Variants in OR2M4 observed in about 807,000 individuals in gnomAD.
OR2M4 encodes olfactory receptor 2M4.
Under a neutral mutation model 13.7 loss-of-function variants are expected in OR2M4, and 8 were observed. The observed-to-expected ratio is 0.58, with a 90% CI of 0.34 to 1.05. The LOEUF (loss-of-function observed/expected upper bound fraction) is 1.05. Ranked by LOEUF, OR2M4 falls within the 50% of genes least tolerant of loss-of-function variation. The pLI is 0.02. For missense variants in OR2M4, 374 were observed against 381.6 expected, an observed-to-expected ratio of 0.98 and a Z score of 0.17; for synonymous variants, 152 against 141.3, an observed-to-expected ratio of 1.08 and a Z score of -0.53.
chr1:248,234,007 A>G (rs1666531968), intron 1 of OR2M4, among the ~76,000 whole-genome samples: 2 of 152,174 alleles, frequency 1.3e-5, no homozygotes, highest in Admixed American at 6.5e-5. Context: ...TGTTTGCTCC[A>G]TGATCTTCGG....
At chr1:248,238,495 C>T (rs1054940974) in intron 1 of OR2M4, among the ~76,000 whole-genome samples, 7 of 151,892 alleles carry the variant, frequency 4.6e-5, no homozygotes, top group Non-Finnish European at 2.9e-5. Flanking sequence ...CTGTTGTCAA[C>T]GAGACTACTA....
In OR2M4 at chr1:248,243,563, A is replaced by G. The variant is rs1422565157; in HGVS notation, c.*3699A>G. 2 of 152,246 alleles carry G rather than the reference A, an allele frequency of 1.3e-5. No individual in the cohort carries two copies. The highest frequency in any genetic ancestry group is 2.9e-5 in the Non-Finnish European group (2 of 68,056). 9.4% of individuals were successfully genotyped at this position (152,246 alleles called of 1,614,324 possible). A position where few individuals can be genotyped will look rare whatever the true frequency, so the allele number is the denominator to read the frequency against. ...GAGCTACCTTTCAGCATGTACAGAA[A>G]TTAACTCGAGATGGATTAAAGACTT... On this transcript the variant is annotated 3_prime_UTR_variant, in exon 2 of 2. Transcript: ENST00000641868.
At position 248,243,050 on chromosome 1, in the gene OR2M4, C is replaced by T. The variant is rs908256158; in HGVS notation, c.*3186C>T. On this transcript the variant is annotated 3_prime_UTR_variant, in exon 2 of 2. Coordinates refer to ENST00000641868, the MANE Select transcript of OR2M4 (RefSeq NM_017504.2). ...TGTTTTGAGTATGTTTGGGACATTG[C>T]GTATATGTGAATCTAATTTTTCAAC... 2.0e-5 allele frequency: 3 copies of T among 151,378 alleles called. No homozygotes were observed. The highest frequency in any genetic ancestry group is 4.4e-5 in the Non-Finnish European group (3 of 67,924). The allele number at this position is 151,378 out of a possible 1,614,324, so 9.4% of individuals were successfully genotyped here. A position where few individuals can be genotyped will look rare whatever the true frequency, so the allele number is the denominator to read the frequency against.
Position 248,239,729 on chromosome 1 carries a change from G to T in OR2M4, c.801G>T (p.Thr267=), listed in dbSNP as rs757716230. ...FMYMRPASKH[T]PDQDKMVSAF... ...ACATGAGACCAGCTTCTAAACATAC[G>T]CCAGACCAGGACAAGATGGTGTCGG... The change falls in exon 2 of 2, where the codon ACG becomes ACT. Residue 267 remains threonine, a synonymous_variant. Coordinates refer to ENST00000641868, the MANE Select transcript of OR2M4 (RefSeq NM_017504.2). 1.9e-6 allele frequency: 3 copies of T among 1,613,916 alleles called. No individual in the cohort carries two copies. The highest frequency in any genetic ancestry group is 4.5e-5 in the East Asian group (2 of 44,862).
chr1:248,240,736 G>A lies in OR2M4; in HGVS notation c.*872G>A, dbSNP rs957037600. On this transcript the variant is annotated 3_prime_UTR_variant, in exon 2 of 2. Transcript: ENST00000641868. ...TATATCACTGAAGAGGCAGTGAAGA[G>A]GTAGAAAAAACAACTTGAACAGACA... is the stretch of plus-strand genomic sequence containing the variant. 2 of 152,184 alleles carry A rather than the reference G, an allele frequency of 1.3e-5. No individual in the cohort carries two copies. Among genetic ancestry groups the A allele is most frequent in the African/African-American group, 4.8e-5 (2 of 41,450 alleles). The allele number at this position is 152,184 out of a possible 1,614,324, so 9.4% of individuals were successfully genotyped here.
chr1:248,238,361 A>G (rs921450123), intron 1 of OR2M4, among the ~76,000 whole-genome samples: 3 of 152,142 alleles, frequency 2.0e-5, no homozygotes, highest in Non-Finnish European at 4.4e-5. Flanking sequence ...AACATAGAGT[A>G]CTATACCCTT....
rs1455803963 is a variant in OR2M4 at position 248,235,224 on chromosome 1, G to C, written c.-20+3644G>C. Reference sequence around the variant, plus strand: ...GTCCAGTTTCAGTTTTCTGCATATGGCTAGCCAGTTTTCCCAGCACCATTT... The same window carrying C: ...GTCCAGTTTCAGTTTTCTGCATATGCCTAGCCAGTTTTCCCAGCACCATTT... On this transcript the variant is annotated intron_variant, in intron 1 of 1. Coordinates refer to ENST00000641868, the MANE Select transcript of OR2M4 (RefSeq NM_017504.2). 2.6e-5 allele frequency among the ~76,000 whole-genome samples: 4 copies of C among 151,990 alleles called. No homozygotes were observed. The South Asian group carries it at 6.2e-4, about 24-fold the overall frequency.
intron 1 of OR2M4, among the ~76,000 whole-genome samples, chr1:248,232,741 G>A (rs895065706): frequency 6.6e-6 from 1 of 152,100 alleles, no homozygotes; most frequent in East Asian, 1.9e-4. Context: ...AGCAAAGAAA[G>A]GTACTGCTCC....
chr1:248,237,521 C>T (rs139937120), intron 1 of OR2M4, among the ~76,000 whole-genome samples: 2,665 of 151,764 alleles, frequency 0.018, 97 homozygotes, highest in African/African-American at 0.06. Context: ...GGTGTAGTGG[C>T]GGGCGCCTGT....
At chr1:248,233,914 T>C (rs967842404) in intron 1 of OR2M4, among the ~76,000 whole-genome samples, 4 of 152,168 alleles carry the variant, frequency 2.6e-5, no homozygotes, top group Admixed American at 1.3e-4. Context: ...TACAAAGACC[T>C]GATGGTTGAT....
intron 1 of OR2M4, 82 bp from the exon 2 acceptor site, chr1:248,238,828 A>C: frequency 1.2e-6 from 1 of 851,480 alleles, no homozygotes; most frequent in East Asian, 2.5e-5. Flanking sequence ...GCATGCATAT[A>C]AACTGCCCAG....
In OR2M4 at chr1:248,239,711, A is replaced by G. The variant is rs1234570740; in HGVS notation, c.783A>G (p.Arg261=). The change falls in exon 2 of 2, where the codon AGA becomes AGG. Residue 261 remains arginine, a synonymous_variant. Coordinates refer to ENST00000641868, the MANE Select transcript of OR2M4 (RefSeq NM_017504.2). ...GTGCTGCTATGTTCATGTACATGAG[A>G]CCAGCTTCTAAACATACGCCAGACC... ...YYGAAMFMYM[R]PASKHTPDQD... 2 of 1,613,866 alleles carry G rather than the reference A, an allele frequency of 1.2e-6. No homozygotes were observed. The highest frequency in any genetic ancestry group is 1.7e-5 in the Admixed American group (1 of 59,970).
At chr1:248,236,847 T>C (rs1413444141) in intron 1 of OR2M4, among the ~76,000 whole-genome samples, 1 of 152,106 alleles carries the variant, frequency 6.6e-6, no homozygotes, top group African/African-American at 2.4e-5. Flanking sequence ...ACATACTCCC[T>C]CCTAAGACTA....
In OR2M4 at chr1:248,240,773, C is replaced by G. The variant is rs1666611274; in HGVS notation, c.*909C>G. 1 of 152,280 alleles carries G rather than the reference C, an allele frequency of 6.6e-6. No individual in the cohort carries two copies. Among genetic ancestry groups the G allele is most frequent in the African/African-American group, 2.4e-5 (1 of 41,454 alleles). The allele number at this position is 152,280 out of a possible 1,614,324, so 9.4% of individuals were successfully genotyped here. A position where few individuals can be genotyped will look rare whatever the true frequency, so the allele number is the denominator to read the frequency against. On this transcript the variant is annotated 3_prime_UTR_variant, in exon 2 of 2. Coordinates refer to ENST00000641868, the MANE Select transcript of OR2M4 (RefSeq NM_017504.2). Reference sequence around the variant, plus strand: ...AACTTGAACAGACAATGCCACCCCTCTCTCACCACTGACAGAAGGAACAGT... The same window carrying G: ...AACTTGAACAGACAATGCCACCCCTGTCTCACCACTGACAGAAGGAACAGT...
chr1:248,239,884 A>G lies in OR2M4; in HGVS notation c.*20A>G. 1 of 1,492,928 alleles carries G rather than the reference A, an allele frequency of 6.7e-7. No individual in the cohort carries two copies. Among genetic ancestry groups the G allele is most frequent in the South Asian group, 1.3e-5 (1 of 77,836 alleles). The allele number at this position is 1,492,928 out of a possible 1,614,324, so 92.5% of individuals were successfully genotyped here. A position where few individuals can be genotyped will look rare whatever the true frequency, so the allele number is the denominator to read the frequency against. On this transcript the variant is annotated 3_prime_UTR_variant, in exon 2 of 2. Transcript: ENST00000641868. Reference sequence around the variant, plus strand: ...ATATGACCTTATCAAAATCTTTTTGAGTGCCTACTGTGGTCAACACTCATT... The same window carrying G: ...ATATGACCTTATCAAAATCTTTTTGGGTGCCTACTGTGGTCAACACTCATT...
chr1:248,235,201 C>T (rs1391478419), intron 1 of OR2M4, among the ~76,000 whole-genome samples: 1 of 152,070 alleles, frequency 6.6e-6, no homozygotes, highest in Non-Finnish European at 1.5e-5. Context: ...AGATAAAGGT[C>T]CAGTTTCAGT....
chr1:248,233,681 A>G (rs1666526146), intron 1 of OR2M4, among the ~76,000 whole-genome samples: 1 of 152,188 alleles, frequency 6.6e-6, no homozygotes, highest in African/African-American at 2.4e-5. Context: ...ATAACAACAA[A>G]GACATTTCAT....
Position 248,239,910 on chromosome 1 carries a change from C to CA in OR2M4, c.*53dup, listed in dbSNP as rs1419835934. 4 of 1,164,042 alleles carry CA rather than the reference C, an allele frequency of 3.4e-6. No homozygotes were observed. The highest frequency in any genetic ancestry group is 2.6e-5 in the Admixed American group (1 of 39,176). 72.1% of individuals were successfully genotyped at this position (1,164,042 alleles called of 1,614,324 possible). The stretch of plus-strand genomic sequence containing the variant: ...GTGCCTACTGTGGTCAACACTCATT[C>CA]AAAAAAACTGGAATCTCTTAAATTA... On this transcript the variant is annotated 3_prime_UTR_variant, in exon 2 of 2. Transcript: ENST00000641868.
chr1:248,233,004 G>C (rs949388901), intron 1 of OR2M4, among the ~76,000 whole-genome samples: 1 of 152,020 alleles, frequency 6.6e-6, no homozygotes, highest in Non-Finnish European at 1.5e-5. Context: ...CGTTAAAATG[G>C]ATAATGTAAA....
Sources: gnomAD v4.1 joint callset for allele counts (sites outside exome capture counted in the v4.1 genomes callset) on GRCh38, gnomAD v4.1.1 for gene constraint, MANE v1.5 for transcripts, NCBI Gene and HGNC (gene_info 2026-07-23, HGNC 2026-07-21) for gene names.